The following PDF variants were observed in gnomAD, a reference collection of about 807,000 sequenced individuals.
PDF encodes peptide deformylase, mitochondrial, also known as peptide deformylase-like protein.
In PDF, 31 loss-of-function variants were observed where a neutral mutation model predicts 20.3. The observed-to-expected ratio is 1.52, with a 90% CI of 1.15 to 2.06. The LOEUF (loss-of-function observed/expected upper bound fraction) is 2.06, where lower values mean the gene tolerates loss of function less well. PDF is among the 30% of genes most tolerant of loss of function. PDF has a pLI of 0.00. For missense variants in PDF, 447 were observed against 362.5 expected, an observed-to-expected ratio of 1.23 and a Z score of -1.89; for synonymous variants, 254 against 172.0, an observed-to-expected ratio of 1.48 and a Z score of -3.73.
chr16:69,330,408 G>C lies in PDF; in HGVS notation c.163C>G (p.Leu55Val). The change falls in exon 1 of 2, where the codon CTG becomes GTG. Residue 55 changes from leucine (L) to valine (V), a missense_variant. Coordinates refer to ENST00000288022, the MANE Select transcript of PDF (RefSeq NM_022341.2). ...GGCGGTTCGGGAGGACCCAGCACCA[G>C]ACGCCTCAGGTGGCGCCAATAGGAG... ...RRSYWRHLRR[L>V]VLGPPEPPFS... is the part of the protein sequence containing the mutation. 6.8e-7 allele frequency: 1 copy of C among 1,478,532 alleles called. No individual in the cohort carries two copies. The highest frequency in any genetic ancestry group is 2.3e-4 in the Middle Eastern group (1 of 4,260). The allele number at this position is 1,478,532 out of a possible 1,614,324, so 91.6% of individuals were successfully genotyped here.
Position 69,328,753 on chromosome 16 carries a change from C to T in PDF, c.*269G>A. 2.3e-6 allele frequency: 1 copy of T among 438,354 alleles called. No individual in the cohort carries two copies. The allele number at this position is 438,354 out of a possible 1,614,324, so 27.2% of individuals were successfully genotyped here. A position where few individuals can be genotyped will look rare whatever the true frequency, so the allele number is the denominator to read the frequency against. ...TGTCTACTGCAGACGAATGCAATTA[C>T]CCCACCTTCCTCCATACAGAATTGT... On this transcript the variant is annotated 3_prime_UTR_variant, in exon 2 of 2. Transcript: ENST00000288022.
chr16:69,329,688 A>G (rs918944586), intron 1 of PDF, among the ~76,000 whole-genome samples: 1 of 151,914 alleles, frequency 6.6e-6, no homozygotes, highest in African/African-American at 2.4e-5. Flanking sequence ...CACTTCTCCA[A>G]CTCCACCGTG....
At position 69,330,058 on chromosome 16, in the gene PDF, GC is replaced by G; in HGVS notation, c.512del (p.Gly171AlafsTer69). ...CCAGGAAGCCGGCGACGCTCTCGCA[GC>G]CCTCGGGAAAGGTGACCAGGCGGCT... ...LDSRLVTFPE[G>X]CESVAGFLAC... is the part of the protein sequence containing the mutation. On this transcript the variant is annotated frameshift_variant, in exon 1 of 2. Transcript: ENST00000288022. LOFTEE classifies it high-confidence loss of function. 6.4e-7 allele frequency: 1 copy of G among 1,556,286 alleles called. No homozygotes were observed. Among genetic ancestry groups the G allele is most frequent in the Non-Finnish European group, 8.7e-7 (1 of 1,152,272 alleles).
In PDF at chr16:69,327,667, G is replaced by A. The variant is rs1965641047; in HGVS notation, c.*1355C>T. ...TGATTTTCAGGACTCTGTTCAGCAA[G>A]AATACCTACTTTACAAAACTCAGCA... On this transcript the variant is annotated 3_prime_UTR_variant, in exon 2 of 2. Coordinates refer to ENST00000288022, the MANE Select transcript of PDF (RefSeq NM_022341.2). The A allele has an allele frequency of 6.6e-6, 1 of 152,026 alleles. No individual in the cohort carries two copies. Among genetic ancestry groups the A allele is most frequent in the Non-Finnish European group, 1.5e-5 (1 of 68,020 alleles). 9.4% of individuals were successfully genotyped at this position (152,026 alleles called of 1,614,324 possible). A position where few individuals can be genotyped will look rare whatever the true frequency, so the allele number is the denominator to read the frequency against.
chr16:69,329,356 C>T (rs868660187), intron 1 of PDF, among the ~76,000 whole-genome samples, 177 bp from the exon 2 acceptor site: 2 of 152,188 alleles, frequency 1.3e-5, no homozygotes, highest in South Asian at 4.1e-4. Context: ...GGTCCATTAC[C>T]AAGCGTTCAA....
In PDF at chr16:69,328,938, T is replaced by G. The variant is rs1965688330; in HGVS notation, c.*84A>C. ...TCCTGTCATATGCGAGCCATCCAAG[T>G]TGATGCCAAGTAAGATTTGCCCAGC... is the stretch of plus-strand genomic sequence containing the variant. On this transcript the variant is annotated 3_prime_UTR_variant, in exon 2 of 2. Transcript: ENST00000288022. 1 of 1,533,774 alleles carries G rather than the reference T, an allele frequency of 6.5e-7. No homozygotes were observed.
At chr16:69,329,266 G>C in intron 1 of PDF, 87 bp from the exon 2 acceptor site, 1 of 1,380,400 alleles carries the variant, frequency 7.2e-7, no homozygotes, top group South Asian at 1.6e-5. Flanking sequence ...GGTCCTGGCT[G>C]TTCCCATTGA....
chr16:69,329,616 G>C (rs903172132), intron 1 of PDF, among the ~76,000 whole-genome samples: 9 of 152,244 alleles, frequency 5.9e-5, no homozygotes, highest in Non-Finnish European at 1.0e-4. Context: ...GAGGCATCCT[G>C]TGGTACCACG....
In PDF at chr16:69,327,901, C is replaced by G. The variant is rs1176337276; in HGVS notation, c.*1121G>C. On this transcript the variant is annotated 3_prime_UTR_variant, in exon 2 of 2. Transcript: ENST00000288022. Reference sequence around the variant, plus strand: ...CAAGTTCCTTCACCTCTTGACAAGACAAAGCTGACACTTTTTTTTTTTGAG... The same window carrying G: ...CAAGTTCCTTCACCTCTTGACAAGAGAAAGCTGACACTTTTTTTTTTTGAG... 1 of 151,258 alleles carries G rather than the reference C, an allele frequency of 6.6e-6. No individual in the cohort carries two copies. The highest frequency in any genetic ancestry group is 2.4e-5 in the African/African-American group (1 of 41,160). 9.4% of individuals were successfully genotyped at this position (151,258 alleles called of 1,614,324 possible).
At position 69,328,876 on chromosome 16, in the gene PDF, C is replaced by T; in HGVS notation, c.*146G>A. 9.5e-6 allele frequency: 10 copies of T among 1,047,714 alleles called. No individual in the cohort carries two copies. The highest frequency in any genetic ancestry group is 1.4e-5 in the Non-Finnish European group (10 of 737,108). 64.9% of individuals were successfully genotyped at this position (1,047,714 alleles called of 1,614,324 possible). A position where few individuals can be genotyped will look rare whatever the true frequency, so the allele number is the denominator to read the frequency against. ...TCAGGGCAAACATTTCTGACATCTT[C>T]CTCCAGCTCAGTCTGCCATGCCTTG... On this transcript the variant is annotated 3_prime_UTR_variant, in exon 2 of 2. Coordinates refer to ENST00000288022, the MANE Select transcript of PDF (RefSeq NM_022341.2).
chr16:69,328,990 T>A lies in PDF; in HGVS notation c.*32A>T. ...CAAAGTGAAAGTGTTTGCGTCTTGG[T>A]ATCCGGAATCCTCAGCCCCAGTAGC... On this transcript the variant is annotated 3_prime_UTR_variant, in exon 2 of 2. Coordinates refer to ENST00000288022, the MANE Select transcript of PDF (RefSeq NM_022341.2). The A allele has an allele frequency of 3.1e-6, 5 of 1,589,156 alleles. No homozygotes were observed. The highest frequency in any genetic ancestry group is 2.6e-6 in the Non-Finnish European group (3 of 1,173,084).
Position 69,330,139 on chromosome 16 carries a change from T to C in PDF, c.432A>G (p.Gln144=), listed in dbSNP as rs1016499466. Residue 144 remains glutamine (Q), a synonymous_variant, in exon 1 of 2, where the codon CAA becomes CAG. Coordinates refer to ENST00000288022, the MANE Select transcript of PDF (RefSeq NM_022341.2). The part of the protein sequence containing the change: ...ECPPRQRALR[Q]MEPFPLRVFV... The stretch of plus-strand genomic sequence containing the variant: ...ACACGCGCAGGGGGAAGGGCTCCAT[T>C]TGGCGGAGCGCGCGCTGGCGGGGCG... 1.9e-6 allele frequency: 3 copies of C among 1,563,400 alleles called. No homozygotes were observed. The highest frequency in any genetic ancestry group is 8.6e-7 in the Non-Finnish European group (1 of 1,158,348).
rs772284121 is a variant in PDF at position 69,330,387 on chromosome 16, G to C, written c.184C>G (p.Pro62Ala). 42 of 1,479,382 alleles carry C rather than the reference G, an allele frequency of 2.8e-5. No homozygotes were observed. The South Asian group carries it at 3.6e-4, about 13-fold the overall frequency. The allele number at this position is 1,479,382 out of a possible 1,614,324, so 91.6% of individuals were successfully genotyped here. Residue 62 changes from proline (P) to alanine (A), a missense_variant, in exon 1 of 2, where the codon CCG (proline) becomes GCG (alanine). Coordinates refer to ENST00000288022, the MANE Select transcript of PDF (RefSeq NM_022341.2). ...LRRLVLGPPEPPFSHVCQVGD... is the reference protein window; with the variant it reads ...LRRLVLGPPEAPFSHVCQVGD... The stretch of plus-strand genomic sequence containing the variant: ...ACTTGGCACACGTGCGAGAACGGCG[G>C]TTCGGGAGGACCCAGCACCAGACGC...
intron 1 of PDF, 122 bp from the exon 2 acceptor site, chr16:69,329,301 T>C: frequency 9.7e-7 from 1 of 1,029,218 alleles, no homozygotes; most frequent in South Asian, 1.9e-5. Flanking sequence ...AGATGGCAAA[T>C]GTAGACAGCA....
In PDF at chr16:69,328,663, G is replaced by A. The variant is rs1023987175; in HGVS notation, c.*359C>T. 11 of 221,394 alleles carry A rather than the reference G, an allele frequency of 5.0e-5. No individual in the cohort carries two copies. The highest frequency in any genetic ancestry group is 1.9e-4 in the Admixed American group (3 of 16,038). 13.7% of individuals were successfully genotyped at this position (221,394 alleles called of 1,614,324 possible). ...CTGCATTTTTAAAGACAGCTTTCAG[G>A]TATTTGGGGACTACATTATTACCAA... On this transcript the variant is annotated 3_prime_UTR_variant, in exon 2 of 2. Transcript: ENST00000288022.
Position 69,327,207 on chromosome 16 carries a change from G to A in PDF, c.*1815C>T, listed in dbSNP as rs1031502201. On this transcript the variant is annotated 3_prime_UTR_variant, in exon 2 of 2. Coordinates refer to ENST00000288022, the MANE Select transcript of PDF (RefSeq NM_022341.2). ...TTTTGAGACAGAGCCTTGGTCTGTCGCCCAGGCTGGAGTACAGTGGCGAGA... is the reference window on the plus strand; with the variant it reads ...TTTTGAGACAGAGCCTTGGTCTGTCACCCAGGCTGGAGTACAGTGGCGAGA... 1.6e-5 allele frequency: 2 copies of A among 124,174 alleles called. No individual in the cohort carries two copies. The highest frequency in any genetic ancestry group is 3.1e-5 in the African/African-American group (1 of 31,884). 7.7% of individuals were successfully genotyped at this position (124,174 alleles called of 1,614,324 possible).
At position 69,330,055 on chromosome 16, in the gene PDF, G is replaced by C. The variant is rs1422140195; in HGVS notation, c.516C>G (p.Cys172Trp). 2 of 1,553,816 alleles carry C rather than the reference G, an allele frequency of 1.3e-6. No homozygotes were observed. Among genetic ancestry groups the C allele is most frequent in the East Asian group, 5.0e-5 (2 of 40,228 alleles). ...AGGCCAGGAAGCCGGCGACGCTCTCGCAGCCCTCGGGAAAGGTGACCAGGC... is the reference window on the plus strand; with the variant it reads ...AGGCCAGGAAGCCGGCGACGCTCTCCCAGCCCTCGGGAAAGGTGACCAGGC... Reference protein sequence around the residue: ...DSRLVTFPEGCESVAGFLACV... With the variant: ...DSRLVTFPEGWESVAGFLACV... The change falls in exon 1 of 2, where the codon TGC (cysteine) becomes TGG (tryptophan). Residue 172 changes from cysteine to tryptophan, a missense_variant. By Grantham distance (215) the Cys-to-Trp change is radical. Transcript: ENST00000288022.
chr16:69,330,351 C>A lies in PDF; in HGVS notation c.220G>T (p.Val74Leu). ...ACCGGGGCCGCCACGCCGCGCAGCACCGGGTCCCCGACTTGGCACACGTGC... is the reference window on the plus strand; with the variant it reads ...ACCGGGGCCGCCACGCCGCGCAGCAACGGGTCCCCGACTTGGCACACGTGC... Reference protein sequence around the residue: ...FSHVCQVGDPVLRGVAAPVER... With the variant: ...FSHVCQVGDPLLRGVAAPVER... The change falls in exon 1 of 2, where the codon GTG (valine) becomes TTG (leucine). Residue 74 changes from valine to leucine, a missense_variant. Coordinates refer to ENST00000288022, the MANE Select transcript of PDF (RefSeq NM_022341.2). 6.8e-7 allele frequency: 1 copy of A among 1,473,714 alleles called. No homozygotes were observed. The highest frequency in any genetic ancestry group is 8.9e-7 in the Non-Finnish European group (1 of 1,120,066). The allele number at this position is 1,473,714 out of a possible 1,614,324, so 91.3% of individuals were successfully genotyped here.
Position 69,330,563 on chromosome 16 carries a change from C to T in PDF, c.8G>A (p.Arg3Gln), listed in dbSNP as rs188405840. The T allele has an allele frequency of 6.2e-4, 899 of 1,461,268 alleles. 8 individuals are homozygous for T. The East Asian group carries it at 0.022, about 35-fold the overall frequency. 90.5% of individuals were successfully genotyped at this position (1,461,268 alleles called of 1,614,324 possible). The change falls in exon 1 of 2, where the codon CGG becomes CAG. Residue 3 changes from arginine (R) to glutamine (Q), a missense_variant. By Grantham distance (43) the Arg-to-Gln change is conservative (BLOSUM62 1). Coordinates refer to ENST00000288022, the MANE Select transcript of PDF (RefSeq NM_022341.2). Reference sequence around the variant, plus strand: ...CCAAAGACTCAGCGCGCCCCACAGCCGGGCCATGGCGGCCCCCTTAACAGT... The same window carrying T: ...CCAAAGACTCAGCGCGCCCCACAGCTGGGCCATGGCGGCCCCCTTAACAGT... MA[R>Q]LWGALSLWPL...
Sources: gnomAD v4.1 joint callset for allele counts (sites outside exome capture counted in the v4.1 genomes callset) on GRCh38, gnomAD v4.1.1 for gene constraint, MANE v1.5 for transcripts, NCBI Gene and HGNC (gene_info 2026-07-23, HGNC 2026-07-21) for gene names.